UBE2G2: variants seen among roughly 807,000 people sequenced by gnomAD.
UBE2G2 encodes ubiquitin conjugating enzyme E2 G2.
A neutral mutation model predicts 23.0 loss-of-function variants in UBE2G2; 10 were observed. That is an observed-to-expected ratio of 0.43 (90% CI 0.27 to 0.74). The LOEUF (loss-of-function observed/expected upper bound fraction) is 0.74, where lower values mean the gene tolerates loss of function less well. UBE2G2 is among the 30% of genes least tolerant of loss of function. The pLI is 0.19. For missense variants in UBE2G2, 150 were observed against 218.3 expected (o/e 0.69, Z 1.97); for synonymous variants, 86 against 81.3 (o/e 1.06, Z -0.31).
chr21:44,790,917 GTC>G (rs1555962864), intron 1 of UBE2G2, among the ~76,000 whole-genome samples: 1 of 152,252 alleles, frequency 6.6e-6, no homozygotes, highest in Non-Finnish European at 1.5e-5. Flanking sequence ...ATGTGGGAAA[GTC>G]TGGAACTTCC....
intron 4 of UBE2G2, chr21:44,774,354 C>A: frequency 1.2e-5 from 2 of 161,792 alleles, no homozygotes; most frequent in Admixed American, 6.4e-5. Flanking sequence ...TTAATCAGTC[C>A]TCTTTTACAT....
intron 1 of UBE2G2, among the ~76,000 whole-genome samples, chr21:44,795,691 T>C (rs1555963630): frequency 6.7e-6 from 1 of 149,702 alleles, no homozygotes; most frequent in African/African-American, 2.5e-5. Context: ...CCACGCGAAG[T>C]GTCAGCAAGG....
chr21:44,800,818 A>G (rs1340303739), intron 1 of UBE2G2: 5 of 152,224 alleles, frequency 3.3e-5, no homozygotes, highest in African/African-American at 1.2e-4. Context: ...ATCTAATTAC[A>G]AAAGCAGCAG....
intron 1 of UBE2G2, chr21:44,801,342 A>T (rs2083135682): frequency 7.3e-6 from 8 of 1,094,046 alleles, no homozygotes; most frequent in African/African-American, 1.7e-5. Context: ...TTCCCTCCTA[A>T]TTCCGCAGCA....
chr21:44,779,153 G>A, intron 3 of UBE2G2: 3 of 381,270 alleles, frequency 7.9e-6, no homozygotes, highest in Admixed American at 3.7e-5. Flanking sequence ...CCTGGAGGCG[G>A]CACTCAGGGC....
chr21:44,798,450 G>A (rs1385371412), intron 1 of UBE2G2, among the ~76,000 whole-genome samples: 1 of 152,212 alleles, frequency 6.6e-6, no homozygotes, highest in Non-Finnish European at 1.5e-5. Flanking sequence ...TACCCACAGT[G>A]GAACTTCAGT....
In UBE2G2 at chr21:44,779,513, C is replaced by G. The variant is rs577280170; in HGVS notation, c.126-2096G>C. The stretch of plus-strand genomic sequence containing the variant: ...GGACAGTGCCCGGATGAGTACCCCC[C>G]CCGGCCCACACTGGCACCCAGCGCC... On this transcript the variant is annotated intron_variant, in intron 3 of 5. Coordinates refer to ENST00000345496, the MANE Select transcript of UBE2G2 (RefSeq NM_003343.6). 1.1e-3 allele frequency among the ~76,000 whole-genome samples: 174 copies of G among 151,966 alleles called. 1 individual carries two copies. In the Middle Eastern group the frequency reaches 0.014, roughly 12 times the overall value.
Position 44,801,809 on chromosome 21 carries a change from A to C in UBE2G2, c.-61T>G, listed in dbSNP as rs1471408011. 7 of 1,486,118 alleles carry C rather than the reference A, an allele frequency of 4.7e-6. No individual in the cohort carries two copies. The African/African-American group carries it at 8.8e-5, about 19-fold the overall frequency. 92.1% of individuals were successfully genotyped at this position (1,486,118 alleles called of 1,614,324 possible). On this transcript the variant is annotated 5_prime_UTR_variant, in exon 1 of 6. Transcript: ENST00000345496. ...AGCCGCGCGCGTGCCTCCTGCCCCG[A>C]CACCGGGGACTGCTTCCGGGCCACC...
chr21:44,799,033 T>C (rs941724305), intron 1 of UBE2G2, among the ~76,000 whole-genome samples: 2 of 152,232 alleles, frequency 1.3e-5, no homozygotes, highest in Admixed American at 1.3e-4. Context: ...ATCAGAGCTC[T>C]TGAGTGACCA....
In UBE2G2 at chr21:44,771,931, C is replaced by G. The variant is rs1418950361; in HGVS notation, c.386-442G>C. Reference sequence around the variant, plus strand: ...GCCCTCTCAGCAAAACTGCCCCTCACAGCTCCTACCAAGACAATCCCAAGC... The same window carrying G: ...GCCCTCTCAGCAAAACTGCCCCTCAGAGCTCCTACCAAGACAATCCCAAGC... On this transcript the variant is annotated intron_variant, in intron 5 of 5. Transcript: ENST00000345496. This position sits in a 1 kb window ranked among gnomAD's most constrained non-coding sequence, Gnocchi z 4.6. 1.3e-5 allele frequency among the ~76,000 whole-genome samples: 2 copies of G among 152,180 alleles called. No homozygotes were observed. The highest frequency in any genetic ancestry group is 4.8e-5 in the African/African-American group (2 of 41,432).
chr21:44,800,246 C>T (rs4818734), intron 1 of UBE2G2: 33,078 of 152,054 alleles, frequency 0.22, 4,585 homozygotes, highest in Non-Finnish European at 0.31. Context: ...GCAAAGCGCG[C>T]GGGAAACTGA....
intron 3 of UBE2G2, among the ~76,000 whole-genome samples, chr21:44,783,569 T>C (rs2082972826): frequency 6.6e-6 from 1 of 152,188 alleles, no homozygotes; most frequent in Non-Finnish European, 1.5e-5. Flanking sequence ...TGGTATAACA[T>C]GGATGAACTG....
At chr21:44,797,400 G>A (rs1188678166) in intron 1 of UBE2G2, among the ~76,000 whole-genome samples, 1 of 152,156 alleles carries the variant, frequency 6.6e-6, no homozygotes, top group Non-Finnish European at 1.5e-5. Context: ...TCCTATGCAG[G>A]GGTTTAATGA....
At chr21:44,777,149 CA>C (rs2082919142) in intron 4 of UBE2G2, 149 bp downstream of exon 4, 1 of 670,720 alleles carries the variant, frequency 1.5e-6, no homozygotes, top group African/African-American at 1.8e-5. Context: ...TTAATACCAC[CA>C]TGCTTACTTG....
chr21:44,781,713 G>A (rs2146391563), intron 3 of UBE2G2, among the ~76,000 whole-genome samples: 1 of 152,252 alleles, frequency 6.6e-6, no homozygotes, highest in South Asian at 2.1e-4. Context: ...TTTAAACCCA[G>A]AGATCCCCTG....
At chr21:44,786,370 A>G (rs1555961994) in intron 3 of UBE2G2, among the ~76,000 whole-genome samples, 1 of 152,200 alleles carries the variant, frequency 6.6e-6, no homozygotes, top group African/African-American at 2.4e-5. Flanking sequence ...TGGGGGCCAC[A>G]TTACACACAA....
chr21:44,801,644 A>C, intron 1 of UBE2G2, 62 bp downstream of exon 1: 5 of 1,487,718 alleles, frequency 3.4e-6, no homozygotes, highest in Non-Finnish European at 4.5e-6. Flanking sequence ...GCCCCGCCGG[A>C]CGACGCGGGC....
At chr21:44,801,653 G>A (rs1286622014) in intron 1 of UBE2G2, 53 bp downstream of exon 1, 4 of 1,496,710 alleles carry the variant, frequency 2.7e-6, no homozygotes, top group Admixed American at 2.3e-5. Context: ...GACGACGCGG[G>A]CCCGGGAGCA....
chr21:44,788,510 A>C (rs1411472993), intron 1 of UBE2G2, among the ~76,000 whole-genome samples: 5 of 152,146 alleles, frequency 3.3e-5, no homozygotes, highest in African/African-American at 7.2e-5. Flanking sequence ...AGGATGGTCT[A>C]GATCTCCTGA....
Sources: allele counts gnomAD v4.1 joint callset (sites outside exome capture counted in the v4.1 genomes callset), GRCh38; gene constraint gnomAD v4.1.1; non-coding constraint Gnocchi (gnomAD v3.1); transcripts MANE v1.5; gene names NCBI Gene and HGNC (gene_info 2026-07-23, HGNC 2026-07-21).